The following FBXO28 variants were observed in gnomAD, a reference collection of about 807,000 sequenced individuals.
FBXO28 encodes F-box only protein 28.
A neutral mutation model predicts 38.1 loss-of-function variants in FBXO28; 8 were observed. That is an observed-to-expected ratio of 0.21 (90% CI 0.12 to 0.38). The LOEUF is 0.38. Ranked by LOEUF, FBXO28 falls within the 10% of genes least tolerant of loss-of-function variation. FBXO28 has a pLI of 1.00. For synonymous variants in FBXO28, 168 were observed against 173.8 expected, an observed-to-expected ratio of 0.97 and a Z score of 0.26; for missense variants, 345 against 460.6, an observed-to-expected ratio of 0.75 and a Z score of 2.30.
At chr1:224,127,463 T>G (rs1362490806) in intron 1 of FBXO28, among the ~76,000 whole-genome samples, 1 of 152,188 alleles carries the variant, frequency 6.6e-6, no homozygotes, top group Non-Finnish European at 1.5e-5. Flanking sequence ...GGCCAATCAC[T>G]AAATGTTTTG....
At chr1:224,130,614 A>G (rs747326576) in intron 2 of FBXO28, 33 bp downstream of exon 2, 18 of 1,453,060 alleles carry the variant, frequency 1.2e-5, no homozygotes, top group Non-Finnish European at 1.5e-5. Context: ...AATGATGTAC[A>G]GTTGGTTTTG....
intron 1 of FBXO28, among the ~76,000 whole-genome samples, chr1:224,127,210 T>G (rs866635008): frequency 1.2e-3 from 161 of 138,730 alleles, no homozygotes; most frequent in Middle Eastern, 4.1e-3. Flanking sequence ...GTGTGTGTGT[T>G]TATGTTTGGC....
chr1:224,125,840 G>A (rs1163435187), intron 1 of FBXO28, among the ~76,000 whole-genome samples: 1 of 151,994 alleles, frequency 6.6e-6, no homozygotes, highest in Non-Finnish European at 1.5e-5. Context: ...CGTTGGCCAG[G>A]CTGGTCTCAA....
rs1572024883 is a variant in FBXO28, at chr1:224,150,188, G to A, written c.517-2954G>A. On this transcript the variant is annotated intron_variant, in intron 3 of 4. Transcript: ENST00000366862. Reference sequence around the variant, plus strand: ...AAAATACAAAAATTAGCCAGGCTTGGTGGTGGGTGCCTGTAATCCCAGCTA... The same window carrying A: ...AAAATACAAAAATTAGCCAGGCTTGATGGTGGGTGCCTGTAATCCCAGCTA... Among the ~76,000 whole-genome samples the A allele has an allele frequency of 2.6e-5, 4 of 152,012 alleles. No individual in the cohort carries two copies. In the South Asian group the frequency reaches 6.2e-4, roughly 24 times the overall value.
chr1:224,122,554 C>T (rs899260505), intron 1 of FBXO28, among the ~76,000 whole-genome samples: 17 of 150,898 alleles, frequency 1.1e-4, no homozygotes, highest in Non-Finnish European at 2.2e-4. Context: ...TAATCTAGAA[C>T]ATTGTCCCCA....
chr1:224,144,111 G>T (rs554449346), intron 3 of FBXO28, among the ~76,000 whole-genome samples: 1 of 146,736 alleles, frequency 6.8e-6, no homozygotes, highest in Non-Finnish European at 1.5e-5. Flanking sequence ...CTGAGGTTGC[G>T]CCACTGTACT....
chr1:224,118,349 G>C (rs12408708), intron 1 of FBXO28, among the ~76,000 whole-genome samples: 1 of 151,992 alleles, frequency 6.6e-6, no homozygotes, highest in Non-Finnish European at 1.5e-5. Flanking sequence ...AATTTTACCT[G>C]CCCTACAGGA....
At chr1:224,121,494 A>G (rs909474783) in intron 1 of FBXO28, among the ~76,000 whole-genome samples, 2 of 152,142 alleles carry the variant, frequency 1.3e-5, no homozygotes, top group East Asian at 3.8e-4. Flanking sequence ...AAGTGGTGTG[A>G]TCTTAGGCAG....
chr1:224,135,742 A>C (rs886490413), intron 3 of FBXO28, among the ~76,000 whole-genome samples: 1 of 152,080 alleles, frequency 6.6e-6, no homozygotes, highest in Non-Finnish European at 1.5e-5. Flanking sequence ...TTGACAGTCT[A>C]AACAAATAAT....
intron 3 of FBXO28, among the ~76,000 whole-genome samples, chr1:224,139,162 G>A (rs1157520710): frequency 1.3e-5 from 2 of 151,622 alleles, no homozygotes; most frequent in African/African-American, 4.9e-5. Flanking sequence ...CCAAAAATTA[G>A]GGTTTTTACA....
rs879760426 is a variant in FBXO28 at position 224,145,062 on chromosome 1, G to A, written c.517-8080G>A. Among the ~76,000 whole-genome samples the A allele has an allele frequency of 6.6e-5, 10 of 151,588 alleles. No homozygotes were observed. In the South Asian group the frequency reaches 8.4e-4, roughly 13 times the overall value. Reference sequence around the variant, plus strand: ...TTTGGGAGGCTGAGTCGAGTGGATCGCTTGAGGTCAGGCGTTCAAGACCAG... The same window carrying A: ...TTTGGGAGGCTGAGTCGAGTGGATCACTTGAGGTCAGGCGTTCAAGACCAG... On this transcript the variant is annotated intron_variant, in intron 3 of 4. Transcript: ENST00000366862.
In FBXO28 at chr1:224,137,272, C is replaced by T. The variant is rs978552490; in HGVS notation, c.516+3060C>T. Among the ~76,000 whole-genome samples, 58 of 151,598 alleles carry T rather than the reference C, an allele frequency of 3.8e-4. 1 individual carries two copies. The highest frequency in any genetic ancestry group is 1.1e-3 in the African/African-American group (47 of 41,030). On this transcript the variant is annotated intron_variant, in intron 3 of 4. Transcript: ENST00000366862. ...GGGCACGGTGGCTCACGCCTGTAAT[C>T]GCAGCACTTTGGGAGGCCAAGACGG...
At chr1:224,117,033 C>T (rs1449595753) in intron 1 of FBXO28, among the ~76,000 whole-genome samples, 1 of 151,928 alleles carries the variant, frequency 6.6e-6, no homozygotes, top group African/African-American at 2.4e-5. Context: ...ATTAGCCAGG[C>T]ATAATGGTGG....
chr1:224,125,776 G>A (rs1321052018), intron 1 of FBXO28, among the ~76,000 whole-genome samples: 1 of 151,842 alleles, frequency 6.6e-6, no homozygotes, highest in East Asian at 1.9e-4. Flanking sequence ...CAAGTAGCTG[G>A]AATTACAGGC....
intron 1 of FBXO28, among the ~76,000 whole-genome samples, chr1:224,119,137 T>TTC (rs1553287747): frequency 8.4e-5 from 10 of 119,276 alleles, no homozygotes; most frequent in Non-Finnish European, 1.6e-4. Context: ...TTTTTTTTCT[T>TTC]TTTTTTTTTT....
chr1:224,133,086 AC>A (rs777588478), intron 2 of FBXO28, among the ~76,000 whole-genome samples: 2 of 152,168 alleles, frequency 1.3e-5, no homozygotes, highest in Non-Finnish European at 2.9e-5. Context: ...ACAAGAATGA[AC>A]CTGGAAAACT....
chr1:224,135,630 A>AAAG (rs1553290018), intron 3 of FBXO28, among the ~76,000 whole-genome samples: 48 of 115,772 alleles, frequency 4.1e-4, no homozygotes, highest in African/African-American at 1.2e-3. Flanking sequence ...AAAAAAAAAA[A>AAAG]AAAAAGAAAA....
chr1:224,123,442 C>CA (rs10647785), intron 1 of FBXO28, among the ~76,000 whole-genome samples: 31,508 of 64,494 alleles, frequency 0.49, 8,695 homozygotes, highest in South Asian at 0.59. Flanking sequence ...GACCCTGTCT[C>CA]AAAAAAAAAA....
chr1:224,126,509 A>G (rs547965656), intron 1 of FBXO28, among the ~76,000 whole-genome samples: 334 of 152,342 alleles, frequency 2.2e-3, no homozygotes, highest in African/African-American at 7.6e-3. Flanking sequence ...CTATCTACTC[A>G]TCTGATAACT....
Sources: gnomAD v4.1 joint callset for allele counts (sites outside exome capture counted in the v4.1 genomes callset) on GRCh38, gnomAD v4.1.1 for gene constraint, MANE v1.5 for transcripts, NCBI Gene and HGNC (gene_info 2026-07-23, HGNC 2026-07-21) for gene names.